The following C4orf54 variants were observed in gnomAD, a reference collection of about 807,000 sequenced individuals.
The protein encoded by C4orf54 is uncharacterized protein C4orf54.
Under a neutral mutation model 80.1 loss-of-function variants are expected in C4orf54, and 67 were observed. The observed-to-expected ratio is 0.84, with a 90% CI of 0.69 to 1.03. The LOEUF (loss-of-function observed/expected upper bound fraction) is 1.03, where lower values mean the gene tolerates loss of function less well. C4orf54 is among the 50% of genes least tolerant of loss of function. C4orf54 has a pLI of 0.00. For missense variants in C4orf54, 2,434 were observed against 2,253.5 expected (o/e 1.08, Z -1.62); for synonymous variants, 1,000 against 917.0 (o/e 1.09, Z -1.64).
chr4:99,653,804 C>T lies in C4orf54; in HGVS notation c.845G>A (p.Gly282Asp), dbSNP rs1726912868. Residue 282 changes from glycine to aspartate, a missense_variant, in exon 2 of 3, where the codon GGC becomes GAC. By Grantham distance (94) the Gly-to-Asp change is moderately conservative (BLOSUM62 -1). Transcript: ENST00000511828. ...SSPMNKAEED[G>D]LSKMEDSTTS... Reference sequence around the variant, plus strand: ...GGTGGAGTCCTCCATTTTGGAAAGGCCATCCTCTTCTGCTTTGTTCATCGG... The same window carrying T: ...GGTGGAGTCCTCCATTTTGGAAAGGTCATCCTCTTCTGCTTTGTTCATCGG... The T allele has an allele frequency of 1.3e-6, 2 of 1,536,028 alleles. No individual in the cohort carries two copies. The highest frequency in any genetic ancestry group is 3.9e-5 in the Admixed American group (2 of 50,986).
chr4:99,649,565 G>A lies in C4orf54; in HGVS notation c.5084C>T (p.Thr1695Ile). The change falls in exon 2 of 3, where the codon ACA becomes ATA. Residue 1695 changes from threonine (T) to isoleucine (I), a missense_variant. By Grantham distance (89) the Thr-to-Ile change is moderately conservative (BLOSUM62 -1). Coordinates refer to ENST00000511828, the MANE Select transcript of C4orf54 (RefSeq NM_001354435.2). ...TCCTCTTGGAGCGCGAGCAATTGGT[G>A]TGGGCTGCAGAGCATTGGTGGGCAG... ...TVLPTNALQP[T>I]PIARAPRGSE... The A allele has an allele frequency of 6.5e-7, 1 of 1,536,168 alleles. No individual in the cohort carries two copies.
In C4orf54 at chr4:99,643,792, A is replaced by ACACACCCC. The variant is rs61130907; in HGVS notation, c.*37-2597_*37-2596insGGGGTGTG. Among the ~76,000 whole-genome samples the ACACACCCC allele has an allele frequency of 4.9e-3, 486 of 98,668 alleles. 6 individuals carry two copies. Among genetic ancestry groups the ACACACCCC allele is most frequent in the South Asian group, 7.8e-3 (22 of 2,834 alleles). The allele number at this position is 98,668 out of a possible 152,430, so 64.7% of individuals were successfully genotyped here. A position where few individuals can be genotyped will look rare whatever the true frequency, so the allele number is the denominator to read the frequency against. On this transcript the variant is annotated intron_variant, in intron 2 of 2. Transcript: ENST00000511828. ...CACACACACACACACACACACACAC[A>ACACACCCC]CCCCCTCCGCGGCAGTAAAACGGCC...
At chr4:99,649,183 A>T in intron 2 of C4orf54, 48 bp downstream of exon 2, 1 of 1,410,694 alleles carries the variant, frequency 7.1e-7, no homozygotes, top group South Asian at 1.5e-5. Context: ...ACAAAAAAAT[A>T]TTGTTCTTAC....
In C4orf54 at chr4:99,652,132, G is replaced by A. The variant is rs1726851720; in HGVS notation, c.2517C>T (p.His839=). The A allele has an allele frequency of 6.5e-7, 1 of 1,535,986 alleles. No individual in the cohort carries two copies. The highest frequency in any genetic ancestry group is 1.4e-5 in the African/African-American group (1 of 73,056). Residue 839 remains histidine, a synonymous_variant, in exon 2 of 3, where the codon CAC becomes CAT. Coordinates refer to ENST00000511828, the MANE Select transcript of C4orf54 (RefSeq NM_001354435.2). The part of the protein sequence containing the change: ...MERGEVMDTS[H]HLSGTSKETE... ...TCTCCTTGGAGGTGCCTGAGAGGTGGTGGGATGTATCCATGACTTCTCCCC... is the reference window on the plus strand; with the variant it reads ...TCTCCTTGGAGGTGCCTGAGAGGTGATGGGATGTATCCATGACTTCTCCCC...
At position 99,654,671 on chromosome 4, in the gene C4orf54, G is replaced by A. The variant is rs1170266169; in HGVS notation, c.-23C>T. Reference sequence around the variant, plus strand: ...CATGTGCTGTTTCTTGTGAAGCCTTGTCCCTTTCCTGGATGGGGCGAGAGA... The same window carrying A: ...CATGTGCTGTTTCTTGTGAAGCCTTATCCCTTTCCTGGATGGGGCGAGAGA... On this transcript the variant is annotated 5_prime_UTR_variant, in exon 2 of 3. Coordinates refer to ENST00000511828, the MANE Select transcript of C4orf54 (RefSeq NM_001354435.2). 4.4e-6 allele frequency: 3 copies of A among 675,954 alleles called. No individual in the cohort carries two copies. In the South Asian group the frequency reaches 4.6e-5, roughly 10 times the overall value. The allele number at this position is 675,954 out of a possible 1,614,324, so 41.9% of individuals were successfully genotyped here.
In C4orf54 at chr4:99,653,891, G is replaced by A. The variant is rs1349721487; in HGVS notation, c.758C>T (p.Ser253Phe). The change falls in exon 2 of 3, where the codon TCT (serine) becomes TTT (phenylalanine). Residue 253 changes from serine to phenylalanine, a missense_variant. Transcript: ENST00000511828. ...TTCAGAGGCAGAGTGCTGGGATCTA[G>A]AGAGTTGGGAGGAGGCAGGATTGTT... is the stretch of plus-strand genomic sequence containing the variant. The part of the protein sequence containing the change: ...PQNNPASSQL[S>F]RSQHSASEEG... The A allele has an allele frequency of 1.3e-6, 2 of 1,536,294 alleles. No homozygotes were observed. The highest frequency in any genetic ancestry group is 4.9e-5 in the East Asian group (2 of 40,898).
At chr4:99,656,958 A>G (rs1319106132) in intron 1 of C4orf54, among the ~76,000 whole-genome samples, 2 of 152,234 alleles carry the variant, frequency 1.3e-5, no homozygotes, top group Admixed American at 6.5e-5. Context: ...CCACACATAT[A>G]CCATATAACT....
chr4:99,653,007 G>A lies in C4orf54; in HGVS notation c.1642C>T (p.His548Tyr), dbSNP rs1333470280. 1.6e-5 allele frequency: 24 copies of A among 1,536,058 alleles called. No homozygotes were observed. The highest frequency in any genetic ancestry group is 2.0e-5 in the Non-Finnish European group (23 of 1,146,914). ...AKQNIIYAAK[H>Y]EGDMSLRVST... ...ACGCGGAGGCTCATGTCGCCTTCAT[G>A]CTTGGCAGCATAAATAATGTTTTGC... Residue 548 changes from histidine (H) to tyrosine (Y), a missense_variant, in exon 2 of 3, where the codon CAT (histidine) becomes TAT (tyrosine). His to Tyr is a moderately conservative substitution (Grantham distance 83, BLOSUM62 2). Transcript: ENST00000511828.
Position 99,652,270 on chromosome 4 carries a change from G to A in C4orf54, c.2379C>T (p.Gly793=). 6.5e-7 allele frequency: 1 copy of A among 1,535,950 alleles called. No individual in the cohort carries two copies. Among genetic ancestry groups the A allele is most frequent in the Non-Finnish European group, 8.7e-7 (1 of 1,146,812 alleles). ...CATCGGCGCGGGAGGTGGGCTTGCT[G>A]CCCTCGGAGGTCTCGGAGCCGTCGT... ...YTDDGSETSE[G]SKPTSRADGP... Residue 793 remains glycine (G), a synonymous_variant, in exon 2 of 3, where the codon GGC becomes GGT. Transcript: ENST00000511828.
At chr4:99,648,981 G>A (rs1430086561) in intron 2 of C4orf54, among the ~76,000 whole-genome samples, 1 of 152,086 alleles carries the variant, frequency 6.6e-6, no homozygotes, top group African/African-American at 2.4e-5. Context: ...ACTCTCAGGT[G>A]GGAAAAAACA....
In C4orf54 at chr4:99,651,105, C is replaced by G. The variant is rs1448987238; in HGVS notation, c.3544G>C (p.Val1182Leu). ...CCTTCTGGGGAGGAAGAATTCAAGA[C>G]TCTGCTGCCGCCCCCTTTGCCCATG... ...ESMGKGGGSRVLNSSSPEGTV... is the reference protein window; with the variant it reads ...ESMGKGGGSRLLNSSSPEGTV... Residue 1182 changes from valine (V) to leucine (L), a missense_variant, in exon 2 of 3, where the codon GTC becomes CTC. Physicochemically the swap from Val to Leu is conservative, Grantham distance 32 (BLOSUM62 1). Coordinates refer to ENST00000511828, the MANE Select transcript of C4orf54 (RefSeq NM_001354435.2). 6.5e-7 allele frequency: 1 copy of G among 1,536,138 alleles called. No homozygotes were observed. The highest frequency in any genetic ancestry group is 8.7e-7 in the Non-Finnish European group (1 of 1,146,916).
chr4:99,654,306 G>C lies in C4orf54; in HGVS notation c.343C>G (p.Gln115Glu). Residue 115 changes from glutamine to glutamate, a missense_variant, in exon 2 of 3, where the codon CAG (glutamine) becomes GAG (glutamate). Gln to Glu is a conservative substitution (Grantham distance 29). Coordinates refer to ENST00000511828, the MANE Select transcript of C4orf54 (RefSeq NM_001354435.2). The stretch of plus-strand genomic sequence containing the variant: ...GTCCGTCTCTGGCCCCGGAGGGGCT[G>C]CAGAGTTGCCCGAAGCAGGGTCCCA... The part of the protein sequence containing the change: ...IRGTLLRATL[Q>E]PLRGQRRTQD... 1.3e-6 allele frequency: 2 copies of C among 1,520,534 alleles called. No homozygotes were observed. The highest frequency in any genetic ancestry group is 1.8e-6 in the Non-Finnish European group (2 of 1,132,664). 94.2% of individuals were successfully genotyped at this position (1,520,534 alleles called of 1,614,324 possible).
At position 99,639,746 on chromosome 4, in the gene C4orf54, G is replaced by C. The variant is rs1253889754; in HGVS notation, c.*1487C>G. On this transcript the variant is annotated 3_prime_UTR_variant, in exon 3 of 3. Transcript: ENST00000511828. ...CTGAGATGGGAAGCATAACTACAAA[G>C]TAAAAAGATTATATAAATCATACAA... 6.6e-6 allele frequency: 1 copy of C among 151,944 alleles called. No homozygotes were observed. Among genetic ancestry groups the C allele is most frequent in the Admixed American group, 6.6e-5 (1 of 15,238 alleles). 9.4% of individuals were successfully genotyped at this position (151,944 alleles called of 1,614,324 possible). A position where few individuals can be genotyped will look rare whatever the true frequency, so the allele number is the denominator to read the frequency against.
Position 99,653,966 on chromosome 4 carries a change from G to T in C4orf54, c.683C>A (p.Pro228Gln). 2 of 1,536,138 alleles carry T rather than the reference G, an allele frequency of 1.3e-6. No homozygotes were observed. The highest frequency in any genetic ancestry group is 2.4e-5 in the South Asian group (2 of 84,044). The change falls in exon 2 of 3, where the codon CCA becomes CAA. Residue 228 changes from proline to glutamine, a missense_variant. Pro to Gln is a moderately conservative substitution (Grantham distance 76). Coordinates refer to ENST00000511828, the MANE Select transcript of C4orf54 (RefSeq NM_001354435.2). ...GGGTTCATCTTGGGCTTTCTCCTTT[G>T]GGCTCCTAGAGGCCCTCTGACCCCC... is the stretch of plus-strand genomic sequence containing the variant. ...CPGGQRASRS[P>Q]KEKAQDEPSS...
chr4:99,653,459 T>G lies in C4orf54; in HGVS notation c.1190A>C (p.Asn397Thr). The change falls in exon 2 of 3, where the codon AAC (asparagine) becomes ACC (threonine). Residue 397 changes from asparagine (N) to threonine (T), a missense_variant. Transcript: ENST00000511828. ...ATCCACGAACGAGTAGATCACGTTG[T>G]TGTCCTCGAAATCCCAGCGGGAGGC... The part of the protein sequence containing the change: ...GLASRWDFED[N>T]NVIYSFVDYA... The G allele has an allele frequency of 6.5e-7, 1 of 1,536,130 alleles. No individual in the cohort carries two copies.
rs1012875500 is a variant in C4orf54, at chr4:99,652,807, G to A, written c.1842C>T (p.Ser614=). The A allele has an allele frequency of 2.0e-6, 3 of 1,536,080 alleles. No homozygotes were observed. In the South Asian group the frequency reaches 3.6e-5, roughly 18 times the overall value. The stretch of plus-strand genomic sequence containing the variant: ...CCTCTTTGTCCGCATCGTCCAGTTC[G>A]CTCACGGCACTGGAGGCTCCGCTGG... ...DYSSGASSAV[S]ELDDADKEVR... Residue 614 remains serine, a synonymous_variant, in exon 2 of 3, where the codon AGC becomes AGT. Coordinates refer to ENST00000511828, the MANE Select transcript of C4orf54 (RefSeq NM_001354435.2).
At chr4:99,643,771 CACACACACACACACACA>C (rs1726645548) in intron 2 of C4orf54, among the ~76,000 whole-genome samples, 1 of 141,196 alleles carries the variant, frequency 7.1e-6, no homozygotes, top group Admixed American at 7.4e-5. Context: ...CACACACACA[CACACACACACACACACA>C]CACACCCCCT....
chr4:99,650,765 G>T lies in C4orf54; in HGVS notation c.3884C>A (p.Ala1295Asp), dbSNP rs1262855919. ...CACTACCCCTTCCCTCTCCTCACTG[G>T]CAATGAGCGACAGCACGTGGCTGTC... ...MMDSHVLSLI[A>D]SEEREGVVVA... Residue 1295 changes from alanine (A) to aspartate (D), a missense_variant, in exon 2 of 3, where the codon GCC becomes GAC. Transcript: ENST00000511828. 3.3e-5 allele frequency: 50 copies of T among 1,536,002 alleles called. No homozygotes were observed. Among genetic ancestry groups the T allele is most frequent in the Non-Finnish European group, 4.2e-5 (48 of 1,146,916 alleles).
At position 99,650,156 on chromosome 4, in the gene C4orf54, G is replaced by C. The variant is rs1002311876; in HGVS notation, c.4493C>G (p.Ser1498Cys). The change falls in exon 2 of 3, where the codon TCC (serine) becomes TGC (cysteine). Residue 1498 changes from serine to cysteine, a missense_variant. Physicochemically the swap from Ser to Cys is moderately radical, Grantham distance 112. Coordinates refer to ENST00000511828, the MANE Select transcript of C4orf54 (RefSeq NM_001354435.2). The part of the protein sequence containing the change: ...PGASREGPPN[S>C]SAATLCSLPP... Reference sequence around the variant, plus strand: ...TAAACTACAGAGAGTGGCAGCTGAGGAGTTGGGGGGCCCCTCCCTGGAAGC... The same window carrying C: ...TAAACTACAGAGAGTGGCAGCTGAGCAGTTGGGGGGCCCCTCCCTGGAAGC... 1.3e-6 allele frequency: 2 copies of C among 1,535,876 alleles called. No homozygotes were observed. The highest frequency in any genetic ancestry group is 1.4e-5 in the African/African-American group (1 of 72,984).
Sources: gnomAD v4.1 joint callset for allele counts (sites outside exome capture counted in the v4.1 genomes callset) on GRCh38, gnomAD v4.1.1 for gene constraint, MANE v1.5 for transcripts, NCBI Gene and HGNC (gene_info 2026-07-23, HGNC 2026-07-21) for gene names.